The following PDE6C variants were observed in gnomAD, a reference collection of about 807,000 sequenced individuals.
PDE6C encodes the protein cone cGMP-specific 3',5'-cyclic phosphodiesterase subunit alpha'.
In PDE6C, 75 loss-of-function variants were observed where a neutral mutation model predicts 113.1. The ratio of observed to expected loss-of-function variants is 0.66; its 90% CI spans 0.55 to 0.80. PDE6C has a LOEUF of 0.80. PDE6C is among the 30% of genes least tolerant of loss of function. PDE6C has a pLI of 0.00. For synonymous variants in PDE6C, 375 were observed against 363.7 expected, an observed-to-expected ratio of 1.03 and a Z score of -0.35; for missense variants, 912 against 1,038.6, an observed-to-expected ratio of 0.88 and a Z score of 1.67.
At chr10:93,614,437 G>A (rs1338841971) in intron 1 of PDE6C, among the ~76,000 whole-genome samples, 2 of 152,168 alleles carry the variant, frequency 1.3e-5, no homozygotes, top group African/African-American at 2.4e-5. Flanking sequence ...GCTGGGTTAA[G>A]TTTGCTTTTG....
intron 1 of PDE6C, among the ~76,000 whole-genome samples, chr10:93,613,927 T>C (rs1270658012): frequency 6.6e-6 from 1 of 152,178 alleles, no homozygotes; most frequent in African/African-American, 2.4e-5. Flanking sequence ...TACAAGGCAT[T>C]GAGATGCCCC....
chr10:93,646,514 GA>G (rs1366643247), intron 15 of PDE6C, among the ~76,000 whole-genome samples: 2 of 152,206 alleles, frequency 1.3e-5, no homozygotes, highest in African/African-American at 4.8e-5. Context: ...TAATTATAAA[GA>G]AAATAGGTTT....
intron 8 of PDE6C, among the ~76,000 whole-genome samples, chr10:93,631,660 G>A (rs1307935759): frequency 6.6e-6 from 1 of 152,144 alleles, no homozygotes; most frequent in African/African-American, 2.4e-5. Context: ...ACGGGTGACC[G>A]CCCTCCCCAA....
chr10:93,622,483 G>A (rs1414760740), intron 4 of PDE6C, among the ~76,000 whole-genome samples: 1 of 151,856 alleles, frequency 6.6e-6, no homozygotes, highest in Admixed American at 6.6e-5. Context: ...TTACATGAGG[G>A]TTCATCCTTT....
intron 8 of PDE6C, among the ~76,000 whole-genome samples, chr10:93,634,243 G>A (rs1008404849): frequency 5.3e-5 from 8 of 152,040 alleles, no homozygotes; most frequent in African/African-American, 9.7e-5. Flanking sequence ...GGCTGGTCTC[G>A]AGCTCCTGAC....
chr10:93,626,506 T>C (rs571457681), intron 5 of PDE6C, 134 bp from the exon 6 acceptor site: 5 of 642,022 alleles, frequency 7.8e-6, no homozygotes, highest in Non-Finnish European at 1.1e-5. Flanking sequence ...AGTAGTTTGA[T>C]AATTTATGTT....
In PDE6C at chr10:93,612,893, G is replaced by A. The variant is rs758739604; in HGVS notation, c.168G>A (p.Val56=). 5 of 1,614,104 alleles carry A rather than the reference G, an allele frequency of 3.1e-6. No individual in the cohort carries two copies. Residue 56 remains valine, a synonymous_variant, in exon 1 of 22, where the codon GTG becomes GTA. Coordinates refer to ENST00000371447, the MANE Select transcript of PDE6C (RefSeq NM_006204.4). Reference sequence around the variant, plus strand: ...TGTCCTTCTCTGAGCTGACCCAGGTGGAGGAGTCAGCCCTGTGCTTGGAGC... The same window carrying A: ...TGTCCTTCTCTGAGCTGACCCAGGTAGAGGAGTCAGCCCTGTGCTTGGAGC... ...SSMSFSELTQ[V]EESALCLELL...
At chr10:93,620,178 A>G (rs1351668536) in intron 1 of PDE6C, among the ~76,000 whole-genome samples, 1 of 152,154 alleles carries the variant, frequency 6.6e-6, no homozygotes, top group East Asian at 1.9e-4. Flanking sequence ...TTTTTGCTTT[A>G]TGTTATGACA....
At chr10:93,654,160 T>C (rs2058621956) in intron 15 of PDE6C, among the ~76,000 whole-genome samples, 1 of 152,240 alleles carries the variant, frequency 6.6e-6, no homozygotes, top group African/African-American at 2.4e-5. Flanking sequence ...TCCACAGATA[T>C]TAATTGAGCA....
chr10:93,648,746 A>G (rs1445976672), intron 15 of PDE6C, among the ~76,000 whole-genome samples: 1 of 152,234 alleles, frequency 6.6e-6, no homozygotes, highest in Non-Finnish European at 1.5e-5. Flanking sequence ...CCAAATTTGC[A>G]CAAGTATAAA....
chr10:93,662,629 A>G lies in PDE6C; in HGVS notation c.2353A>G (p.Thr785Ala). ...LQVGFIDFVC[T>A]FVYKEFSRFH... is the part of the protein sequence containing the mutation. Reference sequence around the variant, plus strand: ...AGTTGGATTTATTGATTTTGTTTGTACTTTTGTATATAAGGTAAGTAAGCA... The same window carrying G: ...AGTTGGATTTATTGATTTTGTTTGTGCTTTTGTATATAAGGTAAGTAAGCA... The change falls in exon 20 of 22, where the codon ACT (threonine) becomes GCT (alanine). Residue 785 changes from threonine (T) to alanine (A), a missense_variant. Thr to Ala is a moderately conservative substitution (Grantham distance 58). Transcript: ENST00000371447. 2 of 1,361,090 alleles carry G rather than the reference A, an allele frequency of 1.5e-6. No individual in the cohort carries two copies. The highest frequency in any genetic ancestry group is 1.2e-5 in the South Asian group (1 of 85,896). 84.3% of individuals were successfully genotyped at this position (1,361,090 alleles called of 1,614,324 possible).
rs770019421 is a variant in PDE6C at position 93,640,133 on chromosome 10, C to A, written c.1546C>A (p.Leu516Ile). The part of the protein sequence containing the change: ...LYEFRFSDFP[L>I]TEHGLIKCGI... ...CGAATTCCGCTTCAGTGACTTCCCC[C>A]TTACAGAGCACGGATTGATTAAATG... The change falls in exon 12 of 22, where the codon CTT (leucine) becomes ATT (isoleucine). Residue 516 changes from leucine (L) to isoleucine (I), a missense_variant. Coordinates refer to ENST00000371447, the MANE Select transcript of PDE6C (RefSeq NM_006204.4). 3.7e-6 allele frequency: 6 copies of A among 1,613,946 alleles called. No homozygotes were observed. The African/African-American group carries it at 8.0e-5, about 22-fold the overall frequency.
At chr10:93,613,760 T>C (rs369413527) in intron 1 of PDE6C, among the ~76,000 whole-genome samples, 2 of 152,310 alleles carry the variant, frequency 1.3e-5, no homozygotes, top group East Asian at 1.9e-4. Context: ...AGTTCAGATG[T>C]TCAAATTTGG....
At chr10:93,622,639 G>GTT (rs67350128) in intron 4 of PDE6C, among the ~76,000 whole-genome samples, 24 of 113,980 alleles carry the variant, frequency 2.1e-4, no homozygotes, top group African/African-American at 8.2e-4. Flanking sequence ...GTAGCCACAG[G>GTT]TTTTTTTTTT....
intron 16 of PDE6C, among the ~76,000 whole-genome samples, chr10:93,656,639 G>A (rs928718266): frequency 6.6e-6 from 1 of 151,768 alleles, no homozygotes; most frequent in Non-Finnish European, 1.5e-5. Context: ...GCACAACCTC[G>A]GGTCACTGCA....
chr10:93,629,797 T>C (rs566797577), intron 8 of PDE6C, among the ~76,000 whole-genome samples: 1 of 152,212 alleles, frequency 6.6e-6, no homozygotes, highest in East Asian at 1.9e-4. Context: ...GAGGTGGAGC[T>C]CAGACGGTAA....
intron 15 of PDE6C, among the ~76,000 whole-genome samples, chr10:93,649,253 G>A (rs1016972046): frequency 6.6e-6 from 1 of 152,148 alleles, no homozygotes; most frequent in Non-Finnish European, 1.5e-5. Flanking sequence ...TAGTGCACCT[G>A]TCTCCACAAA....
chr10:93,625,447 A>C, intron 4 of PDE6C, 128 bp from the exon 5 acceptor site: 2 of 712,866 alleles, frequency 2.8e-6, no homozygotes, highest in South Asian at 1.5e-5. Flanking sequence ...GGAATTGTAG[A>C]TCTTTCAGCA....
intron 16 of PDE6C, among the ~76,000 whole-genome samples, chr10:93,657,018 G>C (rs1375723557): frequency 6.6e-6 from 1 of 152,102 alleles, no homozygotes; most frequent in East Asian, 1.9e-4. Context: ...AAAAACTAGT[G>C]ATGCAATTGA....
Sources: gnomAD v4.1 joint callset for allele counts (sites outside exome capture counted in the v4.1 genomes callset) on GRCh38, gnomAD v4.1.1 for gene constraint, MANE v1.5 for transcripts, NCBI Gene and HGNC (gene_info 2026-07-23, HGNC 2026-07-21) for gene names.